The following C8B variants were observed in gnomAD, a reference collection of about 807,000 sequenced individuals.
C8B encodes the protein complement component C8 beta chain.
Under a neutral mutation model 64.6 loss-of-function variants are expected in C8B, and 67 were observed. That is an observed-to-expected ratio of 1.04 (90% CI 0.85 to 1.27). The LOEUF (loss-of-function observed/expected upper bound fraction) is 1.27. Among genes scored for constraint, C8B ranks in the 50% most tolerant of loss-of-function variants. C8B has a pLI of 0.00. For missense variants in C8B, 790 were observed against 725.2 expected, an observed-to-expected ratio of 1.09 and a Z score of -1.03; for synonymous variants, 284 against 257.7, an observed-to-expected ratio of 1.10 and a Z score of -0.98.
At chr1:56,958,254 C>T (rs1309842873) in intron 2 of C8B, among the ~76,000 whole-genome samples, 10 of 152,096 alleles carry the variant, frequency 6.6e-5, no homozygotes, top group Admixed American at 6.6e-4. Flanking sequence ...AAGTTAGTTG[C>T]AGTCAAGATT....
chr1:56,958,747 G>T (rs557959125), intron 2 of C8B, among the ~76,000 whole-genome samples: 1 of 152,314 alleles, frequency 6.6e-6, no homozygotes, highest in East Asian at 1.9e-4. Context: ...CAATTATCCA[G>T]ATAATTGGAT....
rs778772264 is a variant in C8B at position 56,940,399 on chromosome 1, TAAA to T, written c.1398+447_1398+449del. On this transcript the variant is annotated intron_variant, in intron 9 of 11. Transcript: ENST00000371237. ...GGGCAACATAGCAAGACCCCATTTC[TAAA>T]AAAAAAAAAAAAATTTAATTAGCCA... Among the ~76,000 whole-genome samples, 13 of 137,540 alleles carry T rather than the reference TAAA, an allele frequency of 9.5e-5. No homozygotes were observed. The East Asian group carries it at 2.7e-3, about 29-fold the overall frequency. The allele number at this position is 137,540 out of a possible 152,430, so 90.2% of individuals were successfully genotyped here.
chr1:56,942,186 G>A (rs929835494), intron 8 of C8B, among the ~76,000 whole-genome samples: 1 of 152,154 alleles, frequency 6.6e-6, no homozygotes, highest in African/African-American at 2.4e-5. Context: ...CTTACCAGAC[G>A]GCCCTGTCCA....
rs1197873420 is a variant in C8B at position 56,933,467 on chromosome 1, C to T, written c.1420G>A (p.Val474Met). The T allele has an allele frequency of 6.2e-7, 1 of 1,613,786 alleles. No homozygotes were observed. The highest frequency in any genetic ancestry group is 8.5e-7 in the Non-Finnish European group (1 of 1,179,840). ...GAATAGGCAAAATCTGTGGCTGTCACTAGTTCATACAGAGGCTCCACCTGG... is the reference window on the plus strand; with the variant it reads ...GAATAGGCAAAATCTGTGGCTGTCATTAGTTCATACAGAGGCTCCACCTGG... ...KVKVEPLYEL[V>M]TATDFAYSST... Residue 474 changes from valine to methionine, a missense_variant, in exon 10 of 12, where the codon GTG becomes ATG. Transcript: ENST00000371237.
chr1:56,934,651 T>G (rs1311851172), intron 9 of C8B, among the ~76,000 whole-genome samples: 1 of 152,156 alleles, frequency 6.6e-6, no homozygotes, highest in Non-Finnish European at 1.5e-5. Context: ...CTTCCATTTC[T>G]TAATGCATCT....
intron 11 of C8B, among the ~76,000 whole-genome samples, chr1:56,930,661 A>T (rs1644687700): frequency 2.0e-5 from 3 of 152,130 alleles, no homozygotes; most frequent in African/African-American, 7.2e-5. Context: ...ACACTTCCTA[A>T]TTGTGTGACT....
At chr1:56,943,441 A>G (rs1231828540) in intron 8 of C8B, among the ~76,000 whole-genome samples, 1 of 152,248 alleles carries the variant, frequency 6.6e-6, no homozygotes, top group East Asian at 1.9e-4. Flanking sequence ...GTTATACACA[A>G]AAACATTATG....
chr1:56,954,667 C>T lies in C8B; in HGVS notation c.533+19G>A, dbSNP rs764912242. 1.9e-6 allele frequency: 3 copies of T among 1,614,146 alleles called. No individual in the cohort carries two copies. The highest frequency in any genetic ancestry group is 2.2e-5 in the East Asian group (1 of 44,878). On this transcript the variant is annotated intron_variant, in intron 4 of 11. Coordinates refer to ENST00000371237, the MANE Select transcript of C8B (RefSeq NM_000066.4). ...ATGCTGTGCCTTCCCATCTACGCCA[C>T]AGAAAAATGGTCACTTACCCACTGG...
chr1:56,934,386 G>C (rs1313779887), intron 9 of C8B, among the ~76,000 whole-genome samples: 1 of 152,136 alleles, frequency 6.6e-6, no homozygotes, highest in Non-Finnish European at 1.5e-5. Context: ...CACTCAGTGG[G>C]CATGGCCATG....
At position 56,940,843 on chromosome 1, in the gene C8B, G is replaced by A. The variant is rs373203493; in HGVS notation, c.1398+6C>T. ...AGGAAAGGATGGGTAGAGCAGCGTTGTGTACCTTAACTTTGATGATGGCTG... is the reference window on the plus strand; with the variant it reads ...AGGAAAGGATGGGTAGAGCAGCGTTATGTACCTTAACTTTGATGATGGCTG... On this transcript the variant is annotated splice_donor_region_variant and intron_variant, in intron 9 of 11. Coordinates refer to ENST00000371237, the MANE Select transcript of C8B (RefSeq NM_000066.4). 5.0e-4 allele frequency: 800 copies of A among 1,614,004 alleles called. No homozygotes were observed. Among genetic ancestry groups the A allele is most frequent in the Non-Finnish European group, 5.5e-4 (649 of 1,179,980 alleles).
chr1:56,959,870 A>C (rs1193892221), intron 2 of C8B, 150 bp downstream of exon 2: 24 of 903,566 alleles, frequency 2.7e-5, no homozygotes, highest in Non-Finnish European at 3.3e-5. Context: ...TGCTGCTTGG[A>C]AGCACAGAAG....
intron 8 of C8B, among the ~76,000 whole-genome samples, chr1:56,941,636 C>T (rs994676705): frequency 1.3e-5 from 2 of 152,118 alleles, no homozygotes; most frequent in Non-Finnish European, 2.9e-5. Context: ...TACCAGATAG[C>T]AATTTTAGGA....
chr1:56,959,410 A>G (rs1645145389), intron 2 of C8B: 4 of 674,124 alleles, frequency 5.9e-6, no homozygotes, highest in South Asian at 3.3e-5. Context: ...GCTTTATCCA[A>G]CTGGAGGTAG....
At position 56,962,457 on chromosome 1, in the gene C8B, T is replaced by C. The variant is rs542084977; in HGVS notation, c.93-2281A>G. Among the ~76,000 whole-genome samples the C allele has an allele frequency of 3.3e-5, 5 of 152,336 alleles. No individual in the cohort carries two copies. The South Asian group carries it at 8.3e-4, about 25-fold the overall frequency. On this transcript the variant is annotated intron_variant, in intron 1 of 11. Transcript: ENST00000371237. ...ATTCTAGGTTCCCTCAGGGCCTCTG[T>C]GTGTGGGAACAACATGAGCCTTTCA...
intron 1 of C8B, among the ~76,000 whole-genome samples, chr1:56,962,726 C>G (rs1015368548): frequency 6.6e-6 from 1 of 152,198 alleles, no homozygotes; most frequent in Non-Finnish European, 1.5e-5. Context: ...TTTACAGCAG[C>G]CTCGATTTTG....
At chr1:56,953,472 T>A (rs1445045389) in intron 4 of C8B, among the ~76,000 whole-genome samples, 1 of 152,168 alleles carries the variant, frequency 6.6e-6, no homozygotes, top group Non-Finnish European at 1.5e-5. Flanking sequence ...TTATCCCCAT[T>A]TTGCAGATGA....
intron 4 of C8B, among the ~76,000 whole-genome samples, chr1:56,954,357 A>C (rs1645069360): frequency 1.3e-5 from 2 of 152,178 alleles, no homozygotes; most frequent in African/African-American, 4.8e-5. Context: ...GAAAGCACCT[A>C]ACATGGTCAC....
chr1:56,945,829 T>C lies in C8B; in HGVS notation c.1097A>G (p.Glu366Gly), dbSNP rs765000356. 3.1e-6 allele frequency: 5 copies of C among 1,614,126 alleles called. 2 individuals are homozygous for C. The South Asian group carries it at 5.5e-5, about 18-fold the overall frequency. ...YTLVMNKEAM[E>G]RGDYTLNNVH... ...TCCCTTGGGCAGTATACCTCCTCTC[T>C]CCATGGCCTCTTTGTTCATAACGAG... The change falls in exon 7 of 12, where the codon GAG becomes GGG. Residue 366 changes from glutamate (E) to glycine (G), a missense_variant. By Grantham distance (98) the Glu-to-Gly change is moderately conservative (BLOSUM62 -2). Coordinates refer to ENST00000371237, the MANE Select transcript of C8B (RefSeq NM_000066.4).
At chr1:56,943,933 G>T in intron 7 of C8B, 109 bp from the exon 8 acceptor site, 2 of 1,294,932 alleles carry the variant, frequency 1.5e-6, no homozygotes, top group Non-Finnish European at 2.2e-6. Context: ...CAAGGACTCG[G>T]GTTCAAATAA....
Sources: gnomAD v4.1 joint callset for allele counts (sites outside exome capture counted in the v4.1 genomes callset) on GRCh38, gnomAD v4.1.1 for gene constraint, MANE v1.5 for transcripts, NCBI Gene and HGNC (gene_info 2026-07-23, HGNC 2026-07-21) for gene names.